NIBAN1: variants seen among roughly 807,000 people sequenced by gnomAD.
NIBAN1 encodes the protein niban apoptosis regulator 1.
Under a neutral mutation model 75.1 loss-of-function variants are expected in NIBAN1, and 81 were observed. That is an observed-to-expected ratio of 1.08 (90% CI 0.90 to 1.30). The LOEUF is 1.30. NIBAN1 is among the 50% of genes most tolerant of loss of function. The pLI is 0.00. For synonymous variants in NIBAN1, 436 were observed against 424.8 expected (o/e 1.03, Z -0.32); for missense variants, 1,133 against 1,128.1 (o/e 1.00, Z -0.06).
intron 5 of NIBAN1, among the ~76,000 whole-genome samples, chr1:184,856,532 AG>A (rs1339939386): frequency 6.6e-6 from 1 of 152,224 alleles, no homozygotes; most frequent in Non-Finnish European, 1.5e-5. Context: ...GCTGGAAAAA[AG>A]GTGATAACTA....
At chr1:184,840,770 C>T (rs1037332878) in intron 5 of NIBAN1, among the ~76,000 whole-genome samples, 26 of 150,862 alleles carry the variant, frequency 1.7e-4, no homozygotes, top group Non-Finnish European at 3.1e-4. Flanking sequence ...ACTATAACAT[C>T]TTGCATGATT....
rs1021567222 is a variant in NIBAN1 at position 184,799,149 on chromosome 1, G to A, written c.1555-959C>T. Among the ~76,000 whole-genome samples the A allele has an allele frequency of 4.6e-5, 7 of 151,764 alleles. No individual in the cohort carries two copies. The South Asian group carries it at 8.3e-4, about 18-fold the overall frequency. On this transcript the variant is annotated intron_variant, in intron 12 of 13. Transcript: ENST00000367511. ...GCTGGTGCGCTGCACCCACTTACTC[G>A]TCATCTAGCATTAGGTATATCTCCC...
intron 1 of NIBAN1, among the ~76,000 whole-genome samples, chr1:184,921,048 G>C (rs1422857105): frequency 6.6e-6 from 1 of 150,754 alleles, no homozygotes; most frequent in Admixed American, 6.6e-5. Context: ...AGAATCGCTT[G>C]AATCAGGGAG....
chr1:184,969,377 G>T (rs234103), intron 1 of NIBAN1, among the ~76,000 whole-genome samples: 68,266 of 151,974 alleles, frequency 0.45, 15,956 homozygotes, highest in Middle Eastern at 0.53. Flanking sequence ...CTTTAGGCTA[G>T]CTCCCCTCCT....
chr1:184,802,655 G>A (rs1654076694), intron 12 of NIBAN1, among the ~76,000 whole-genome samples: 1 of 152,188 alleles, frequency 6.6e-6, no homozygotes, highest in African/African-American at 2.4e-5. Flanking sequence ...CTTATGCAAA[G>A]GATTTTAACG....
At chr1:184,815,802 G>C (rs893403612) in intron 9 of NIBAN1, among the ~76,000 whole-genome samples, 6 of 152,170 alleles carry the variant, frequency 3.9e-5, no homozygotes, top group African/African-American at 1.4e-4. Flanking sequence ...GGATTAAAGA[G>C]AACACTGCCA....
intron 5 of NIBAN1, among the ~76,000 whole-genome samples, chr1:184,836,427 T>C (rs1655146058): frequency 6.6e-6 from 1 of 152,236 alleles, no homozygotes; most frequent in Non-Finnish European, 1.5e-5. Context: ...ACATATTTCC[T>C]CCTCTACTGA....
At chr1:184,876,851 T>C (rs1656247425) in intron 5 of NIBAN1, among the ~76,000 whole-genome samples, 1 of 152,140 alleles carries the variant, frequency 6.6e-6, no homozygotes, top group Non-Finnish European at 1.5e-5. Flanking sequence ...CACAAACTAT[T>C]TCAGATTATA....
At chr1:184,834,562 G>C (rs546283071) in intron 5 of NIBAN1, among the ~76,000 whole-genome samples, 2 of 152,294 alleles carry the variant, frequency 1.3e-5, no homozygotes, top group Admixed American at 6.5e-5. Flanking sequence ...ACTGGTATGA[G>C]GTGGTATCTC....
rs747733219 is a variant in NIBAN1 at position 184,805,984 on chromosome 1, C to A, written c.1408G>T (p.Ala470Ser). 1 of 1,614,156 alleles carries A rather than the reference C, an allele frequency of 6.2e-7. No homozygotes were observed. The highest frequency in any genetic ancestry group is 8.5e-7 in the Non-Finnish European group (1 of 1,180,008). ...PHLQGEASKT[A>S]VAIEKVKLRV... ...AGTTTAACCTTCTCAATGGCAACTG[C>A]AGTTTTGGAGGCCTCTCCTTGGAGA... is the stretch of plus-strand genomic sequence containing the variant. The change falls in exon 11 of 14, where the codon GCA (alanine) becomes TCA (serine). Residue 470 changes from alanine (A) to serine (S), a missense_variant. Coordinates refer to ENST00000367511, the MANE Select transcript of NIBAN1 (RefSeq NM_052966.4).
rs193116504 is a variant in NIBAN1, at chr1:184,938,292, A to G, written c.55+36010T>C. Among the ~76,000 whole-genome samples, 8 of 152,342 alleles carry G rather than the reference A, an allele frequency of 5.3e-5. No homozygotes were observed. The East Asian group carries it at 1.5e-3, about 29-fold the overall frequency. ...ATGAATAAGAAAGAAGGAATATCAA[A>G]GACATTTTGGAGTAAGAATTTACTA... On this transcript the variant is annotated intron_variant, in intron 1 of 13. Coordinates refer to ENST00000367511, the MANE Select transcript of NIBAN1 (RefSeq NM_052966.4).
chr1:184,854,234 T>C (rs1016195646), intron 5 of NIBAN1, among the ~76,000 whole-genome samples: 1 of 152,190 alleles, frequency 6.6e-6, no homozygotes, highest in African/African-American at 2.4e-5. Context: ...TTTAAGAGTA[T>C]GTTGTTTATT....
chr1:184,926,363 G>T (rs983823894), intron 1 of NIBAN1, among the ~76,000 whole-genome samples: 1 of 152,134 alleles, frequency 6.6e-6, no homozygotes. Context: ...TCAGACTCCA[G>T]AGTAGTTGGG....
At chr1:184,930,701 G>A (rs112691619) in intron 1 of NIBAN1, among the ~76,000 whole-genome samples, 1,698 of 152,298 alleles carry the variant, frequency 0.011, 21 homozygotes, top group South Asian at 0.021. Flanking sequence ...TGACCATGAC[G>A]CTTCTATATA....
At chr1:184,919,717 T>G (rs1657480653) in intron 1 of NIBAN1, among the ~76,000 whole-genome samples, 1 of 152,060 alleles carries the variant, frequency 6.6e-6, no homozygotes, top group African/African-American at 2.4e-5. Flanking sequence ...AGGTGAGGAA[T>G]AAAACGCAGC....
At chr1:184,961,849 C>T (rs1047991685) in intron 1 of NIBAN1, among the ~76,000 whole-genome samples, 2 of 152,216 alleles carry the variant, frequency 1.3e-5, no homozygotes, top group Admixed American at 6.5e-5. Flanking sequence ...AGACAGATCT[C>T]TTTTTAGCCT....
rs2102171922 is a variant in NIBAN1 at position 184,793,849 on chromosome 1, A to T, written c.*1128T>A. Reference sequence around the variant, plus strand: ...CTTGGTATATAACAGAGACTCAATTAGCTTGCTGAATGACCAAACAAATGA... The same window carrying T: ...CTTGGTATATAACAGAGACTCAATTTGCTTGCTGAATGACCAAACAAATGA... On this transcript the variant is annotated 3_prime_UTR_variant, in exon 14 of 14. Coordinates refer to ENST00000367511, the MANE Select transcript of NIBAN1 (RefSeq NM_052966.4). 6.6e-6 allele frequency: 1 copy of T among 152,342 alleles called. No individual in the cohort carries two copies. Among genetic ancestry groups the T allele is most frequent in the East Asian group, 1.9e-4 (1 of 5,186 alleles). 9.4% of individuals were successfully genotyped at this position (152,342 alleles called of 1,614,324 possible). A position where few individuals can be genotyped will look rare whatever the true frequency, so the allele number is the denominator to read the frequency against.
chr1:184,953,813 A>T (rs923403126), intron 1 of NIBAN1, among the ~76,000 whole-genome samples: 1 of 152,260 alleles, frequency 6.6e-6, no homozygotes, highest in Non-Finnish European at 1.5e-5. Flanking sequence ...TAAAGTTGTC[A>T]TGGGTCAGGA....
chr1:184,922,992 T>C (rs12144476), intron 1 of NIBAN1, among the ~76,000 whole-genome samples: 2,491 of 152,304 alleles, frequency 0.016, 44 homozygotes, highest in Non-Finnish European at 0.027. Flanking sequence ...AGTTTGCAAA[T>C]ATTTTCTCCC....
Sources: allele counts gnomAD v4.1 joint callset (sites outside exome capture counted in the v4.1 genomes callset), GRCh38; gene constraint gnomAD v4.1.1; transcripts MANE v1.5; gene names NCBI Gene and HGNC (gene_info 2026-07-23, HGNC 2026-07-21).